The following GABRR3 variants were observed in gnomAD, a reference collection of about 807,000 sequenced individuals.
GABRR3 encodes the protein gamma-aminobutyric acid type A receptor subunit rho3, also known as gamma-aminobutyric acid receptor subunit rho-3.
Under a neutral mutation model 43.2 loss-of-function variants are expected in GABRR3, and 29 were observed. That is an observed-to-expected ratio of 0.67 (90% CI 0.50 to 0.92). GABRR3 has a LOEUF of 0.92. Among genes scored for constraint, GABRR3 ranks in the 40% least tolerant of loss-of-function variants. GABRR3 has a pLI of 0.00. For missense variants in GABRR3, 576 were observed against 572.3 expected (o/e 1.01, Z -0.07); for synonymous variants, 206 against 195.9 (o/e 1.05, Z -0.43).
intron 2 of GABRR3, among the ~76,000 whole-genome samples, chr3:98,032,295 T>A (rs1374781130): frequency 6.6e-6 from 1 of 152,202 alleles, no homozygotes; most frequent in Non-Finnish European, 1.5e-5. Flanking sequence ...ATTTATTTTT[T>A]AATAATGTGT....
chr3:98,009,470 C>A (rs1057239126), intron 5 of GABRR3, among the ~76,000 whole-genome samples: 11 of 152,332 alleles, frequency 7.2e-5, no homozygotes, highest in Non-Finnish European at 1.2e-4. Context: ...GTTTCCTTCA[C>A]AAAGCAAGTT....
At chr3:98,034,050 G>C (rs1291280032) in intron 2 of GABRR3, among the ~76,000 whole-genome samples, 1 of 152,162 alleles carries the variant, frequency 6.6e-6, no homozygotes, top group Admixed American at 6.6e-5. Flanking sequence ...TTGGCTGCCA[G>C]TGTTGACCAG....
intron 3 of GABRR3, among the ~76,000 whole-genome samples, chr3:98,018,156 T>C (rs1247671716): frequency 6.6e-6 from 1 of 152,164 alleles, no homozygotes; most frequent in Non-Finnish European, 1.5e-5. Flanking sequence ...GGGAGTGTCA[T>C]AGAATCCTTG....
intron 2 of GABRR3, among the ~76,000 whole-genome samples, chr3:98,031,872 C>T (rs1707091021): frequency 6.6e-6 from 1 of 152,134 alleles, no homozygotes; most frequent in African/African-American, 2.4e-5. Context: ...GTCTTGCTTG[C>T]AGTAGCATTG....
At chr3:97,986,855 G>A (rs376960773) in exon 10 of GABRR3, 308 of 1,612,128 alleles carry the variant, frequency 1.9e-4, no homozygotes, top group Non-Finnish European at 2.5e-4. Flanking sequence ...GCTGCATATC[G>A]ATTTTCTTCT....
intron 3 of GABRR3, among the ~76,000 whole-genome samples, chr3:98,023,998 A>T (rs986258250): frequency 6.6e-6 from 1 of 152,246 alleles, no homozygotes; most frequent in African/African-American, 2.4e-5. Flanking sequence ...CTGTGCCTTC[A>T]GAACCCCCAG....
intron 7 of GABRR3, among the ~76,000 whole-genome samples, chr3:98,003,048 T>A (rs1355963372): frequency 6.6e-6 from 1 of 152,180 alleles, no homozygotes; most frequent in Non-Finnish European, 1.5e-5. Flanking sequence ...TCAGTTTATA[T>A]ATGTTCAGGA....
chr3:98,007,931 A>G (rs1706743210), intron 6 of GABRR3, 27 bp from the exon 7 acceptor site: 1 of 1,530,290 alleles, frequency 6.5e-7, no homozygotes, highest in South Asian at 1.2e-5. Context: ...TCAGTCTTGT[A>G]AGTGTAATAA....
exon 10 of GABRR3, chr3:97,986,769 T>C (rs1706390816): frequency 6.2e-7 from 1 of 1,606,960 alleles, no homozygotes. Context: ...ATGACATGGT[T>C]GTTTTCCAGA....
chr3:97,989,771 G>T (rs1213676699), intron 9 of GABRR3, among the ~76,000 whole-genome samples: 1 of 152,068 alleles, frequency 6.6e-6, no homozygotes, highest in Non-Finnish European at 1.5e-5. Context: ...TCCTTCCAGG[G>T]ATAGGCCTGA....
At chr3:98,027,255 T>A (rs1407497627) in intron 2 of GABRR3, among the ~76,000 whole-genome samples, 3 of 152,230 alleles carry the variant, frequency 2.0e-5, no homozygotes, top group Non-Finnish European at 4.4e-5. Context: ...TTGGGCCCTA[T>A]GCCTAGAGCT....
chr3:98,008,798 C>CAAAA (rs57502092), intron 6 of GABRR3, 158 bp downstream of exon 6: 7 of 113,892 alleles, frequency 6.1e-5, no homozygotes, highest in African/African-American at 1.4e-4. Context: ...AAACAGAAAC[C>CAAAA]AAAAAAAAAA....
chr3:97,993,169 G>A (rs1706494238), intron 8 of GABRR3, 121 bp from the exon 9 acceptor site: 1 of 683,960 alleles, frequency 1.5e-6, no homozygotes, highest in Non-Finnish European at 2.3e-6. Flanking sequence ...CAAGAGGAGG[G>A]AAGGTGTGTG....
intron 3 of GABRR3, among the ~76,000 whole-genome samples, chr3:98,018,575 G>A (rs1369306870): frequency 6.6e-6 from 1 of 152,072 alleles, no homozygotes. Flanking sequence ...TCCAGTGTGA[G>A]TCGAAATTGA....
intron 5 of GABRR3, among the ~76,000 whole-genome samples, chr3:98,009,464 C>A (rs1706761216): frequency 6.6e-6 from 1 of 152,166 alleles, no homozygotes; most frequent in African/African-American, 2.4e-5. Flanking sequence ...TTAAAGGTTT[C>A]CTTCACAAAG....
intron 2 of GABRR3, among the ~76,000 whole-genome samples, chr3:98,027,321 G>C (rs905507098): frequency 3.9e-5 from 6 of 152,150 alleles, no homozygotes; most frequent in Non-Finnish European, 8.8e-5. Context: ...TTTCTCAAGA[G>C]ATCCACCGGC....
intron 9 of GABRR3, among the ~76,000 whole-genome samples, chr3:97,989,793 T>C (rs1372569296): frequency 6.6e-6 from 1 of 152,118 alleles, no homozygotes; most frequent in Admixed American, 6.5e-5. Context: ...CATTCTTGTT[T>C]TGCCAGTGAC....
chr3:98,029,502 G>A (rs1576052261), intron 2 of GABRR3, among the ~76,000 whole-genome samples: 2 of 152,010 alleles, frequency 1.3e-5, no homozygotes, highest in Admixed American at 6.6e-5. Flanking sequence ...CTCATTCTGC[G>A]GCATTGGAGT....
At chr3:98,012,605 G>A (rs1170595003) in intron 4 of GABRR3, 38 bp from the exon 5 acceptor site, 1 of 1,464,574 alleles carries the variant, frequency 6.8e-7, no homozygotes, top group Non-Finnish European at 9.5e-7. Flanking sequence ...AAACCAGTAG[G>A]AATATGGTTC....
Sources: gnomAD v4.1 joint callset for allele counts (sites outside exome capture counted in the v4.1 genomes callset) on GRCh38, gnomAD v4.1.1 for gene constraint, MANE v1.5 for transcripts, NCBI Gene and HGNC (gene_info 2026-07-23, HGNC 2026-07-21) for gene names.